The following BEND3 variants were observed in gnomAD, a reference collection of about 807,000 sequenced individuals.
BEND3 encodes BEN domain containing 3, also known as BEN domain-containing protein 3.
In BEND3, 13 loss-of-function variants were observed where a neutral mutation model predicts 60.1. That is an observed-to-expected ratio of 0.22 (90% CI 0.14 to 0.34). BEND3 has a LOEUF of 0.34. Ranked by LOEUF, BEND3 falls within the 10% of genes least tolerant of loss-of-function variation. The pLI, the probability that BEND3 is intolerant of heterozygous loss-of-function variation, is 1.00. For missense variants in BEND3, 896 were observed against 1,138.1 expected (o/e 0.79, Z 3.06); for synonymous variants, 497 against 491.5 (o/e 1.01, Z -0.15).
chr6:107,071,994 A>G (rs1554232154), intron 3 of BEND3, among the ~76,000 whole-genome samples: 1 of 152,220 alleles, frequency 6.6e-6, no homozygotes, highest in Non-Finnish European at 1.5e-5. Flanking sequence ...GTATACCTTA[A>G]ATATGTATCC....
At chr6:107,072,782 C>G (rs1053814319) in intron 3 of BEND3, among the ~76,000 whole-genome samples, 1 of 152,074 alleles carries the variant, frequency 6.6e-6, no homozygotes, top group Non-Finnish European at 1.5e-5. Flanking sequence ...CTCAGAAGTT[C>G]CGCCAGCCTG....
At chr6:107,075,055 G>T (rs1775071453) in intron 3 of BEND3, among the ~76,000 whole-genome samples, 1 of 151,714 alleles carries the variant, frequency 6.6e-6, no homozygotes, top group South Asian at 2.1e-4. Flanking sequence ...GAGTGCCACT[G>T]CACTCCAGCC....
Position 107,068,693 on chromosome 6 carries a change from G to A in BEND3, c.*11C>T, listed in dbSNP as rs782044954. ...CTGGTGACCCCGAATCTCTGGGCAGGTCACGGGCCTTCACTTCTCCACTTT... is the reference window on the plus strand; with the variant it reads ...CTGGTGACCCCGAATCTCTGGGCAGATCACGGGCCTTCACTTCTCCACTTT... On this transcript the variant is annotated 3_prime_UTR_variant, in exon 4 of 4. Transcript: ENST00000369042. The surrounding 1 kb of genome is among the most constrained non-coding windows in gnomAD (Gnocchi z 5.8). The A allele has an allele frequency of 9.3e-6, 15 of 1,608,592 alleles. No individual in the cohort carries two copies. The highest frequency in any genetic ancestry group is 1.2e-5 in the Non-Finnish European group (14 of 1,177,500).
At chr6:107,098,484 G>A in intron 3 of BEND3, 67 bp downstream of exon 3, 8 of 1,532,632 alleles carry the variant, frequency 5.2e-6, no homozygotes, top group Non-Finnish European at 6.2e-6. Context: ...AAAACAAGAG[G>A]GAGATTCAGC....
At chr6:107,103,607 T>C (rs797044186) in intron 1 of BEND3, among the ~76,000 whole-genome samples, 1 of 152,224 alleles carries the variant, frequency 6.6e-6, no homozygotes, top group African/African-American at 2.4e-5. Context: ...CCAAGGGATG[T>C]CTGTTCTATG....
chr6:107,101,404 C>G (rs1775699613), intron 1 of BEND3, among the ~76,000 whole-genome samples: 1 of 152,086 alleles, frequency 6.6e-6, no homozygotes, highest in Non-Finnish European at 1.5e-5. Context: ...CTAATAATGG[C>G]AACACATACA....
chr6:107,110,459 G>C lies in BEND3; in HGVS notation c.-12+4631C>G, dbSNP rs895919134. Among the ~76,000 whole-genome samples the C allele has an allele frequency of 6.6e-5, 10 of 152,136 alleles. No individual in the cohort carries two copies. The East Asian group carries it at 1.9e-3, about 29-fold the overall frequency. On this transcript the variant is annotated intron_variant, in intron 1 of 3. Transcript: ENST00000369042. ...AAGAAATACTGACGTATCAGAAGCA[G>C]AAGAAGAGCATTATCAAATTTGGAG...
intron 1 of BEND3, among the ~76,000 whole-genome samples, chr6:107,106,935 GC>G (rs1369665426): frequency 5.1e-5 from 7 of 138,452 alleles, no homozygotes; most frequent in Non-Finnish European, 9.0e-5. Context: ...TTCAAAGAGG[GC>G]TTTTTTTTTT....
rs1562294762 is a variant in BEND3, at chr6:107,066,093, CCAAA to C, written c.*2607_*2610del. The C allele has an allele frequency of 1.3e-5, 1 of 74,900 alleles. No homozygotes were observed. Among genetic ancestry groups the C allele is most frequent in the African/African-American group, 5.1e-5 (1 of 19,446 alleles). 4.6% of individuals were successfully genotyped at this position (74,900 alleles called of 1,614,324 possible). On this transcript the variant is annotated 3_prime_UTR_variant, in exon 4 of 4. Coordinates refer to ENST00000369042, the MANE Select transcript of BEND3 (RefSeq NM_001367314.1). ...ATCTTTTAGTCCTTGGGATACAAGG[CCAAA>C]AAAAAAAAAAAAAAAATCCAAAAAA...
chr6:107,086,421 C>T (rs1775349287), intron 3 of BEND3, among the ~76,000 whole-genome samples: 1 of 151,394 alleles, frequency 6.6e-6, no homozygotes. Flanking sequence ...TCGAGACCAT[C>T]CTGGCCAACA....
intron 3 of BEND3, among the ~76,000 whole-genome samples, chr6:107,084,027 C>G (rs1554233885): frequency 6.6e-6 from 1 of 152,248 alleles, no homozygotes; most frequent in Non-Finnish European, 1.5e-5. Context: ...AGTCAGCATT[C>G]CATCCTAACT....
intron 1 of BEND3, among the ~76,000 whole-genome samples, chr6:107,105,809 A>G (rs548064729): frequency 5.0e-4 from 76 of 152,276 alleles, no homozygotes; most frequent in Non-Finnish European, 8.4e-4. Context: ...ACCTGGCCCC[A>G]GCAGCCCTGA....
intron 3 of BEND3, among the ~76,000 whole-genome samples, chr6:107,097,514 G>A (rs1263268546): frequency 5.3e-5 from 8 of 151,526 alleles, no homozygotes; most frequent in African/African-American, 1.9e-4. Context: ...CTCATGGCCA[G>A]GCACAGTGGC....
At chr6:107,083,760 A>T (rs1296667157) in intron 3 of BEND3, among the ~76,000 whole-genome samples, 1 of 152,184 alleles carries the variant, frequency 6.6e-6, no homozygotes, top group African/African-American at 2.4e-5. Context: ...AGTAGAAGCA[A>T]CCCAAAATAT....
chr6:107,094,621 CATAAATAAATAAATAAATAAATAA>C (rs144954565), intron 3 of BEND3, among the ~76,000 whole-genome samples: 1 of 139,722 alleles, frequency 7.2e-6, no homozygotes, highest in Non-Finnish European at 1.5e-5. Context: ...AACTCCATCT[CATAAATAAATAAATAAATAAATAA>C]ATAAATAAAT....
intron 3 of BEND3, among the ~76,000 whole-genome samples, chr6:107,097,153 G>A (rs1775602061): frequency 1.3e-5 from 2 of 152,094 alleles, no homozygotes; most frequent in Admixed American, 6.5e-5. Context: ...GATCACCTGA[G>A]GTCAGGAGAT....
At chr6:107,098,523 CA>C in intron 3 of BEND3, 27 bp downstream of exon 3, 1 of 1,606,730 alleles carries the variant, frequency 6.2e-7, no homozygotes. Flanking sequence ...AGAGCCCAAG[CA>C]AAGAGTGACA....
intron 1 of BEND3, among the ~76,000 whole-genome samples, chr6:107,100,530 G>A (rs576284514): frequency 7.6e-4 from 115 of 152,254 alleles, no homozygotes; most frequent in African/African-American, 2.6e-3. Context: ...GCCTCCCAAA[G>A]TGCTGGGATT....
At chr6:107,093,141 T>C (rs1421609289) in intron 3 of BEND3, among the ~76,000 whole-genome samples, 1 of 152,106 alleles carries the variant, frequency 6.6e-6, no homozygotes, top group Non-Finnish European at 1.5e-5. Context: ...CTAAAATTTA[T>C]ATGGACAGAC....
Sources: gnomAD v4.1 joint callset for allele counts (sites outside exome capture counted in the v4.1 genomes callset) on GRCh38, gnomAD v4.1.1 for gene constraint, Gnocchi (gnomAD v3.1) non-coding constraint, MANE v1.5 for transcripts, NCBI Gene and HGNC (gene_info 2026-07-23, HGNC 2026-07-21) for gene names.